Variants in OR1S1 observed in about 807,000 individuals in gnomAD.
OR1S1 encodes the protein olfactory receptor family 1 subfamily S member 1.
For missense variants in OR1S1, 411 were observed against 367.5 expected, an observed-to-expected ratio of 1.12 and a Z score of -0.97; for synonymous variants, 156 against 143.9, an observed-to-expected ratio of 1.08 and a Z score of -0.60.
At chr11:58,215,678 G>T (rs1852928891) in exon 2 of OR1S1, 2 of 1,613,692 alleles carry the variant, frequency 1.2e-6, no homozygotes, top group Non-Finnish European at 1.7e-6. Context: ...GGATATGAAA[G>T]GTGCCCTGAG....
chr11:58,215,142 A>G (rs1467610486), exon 2 of OR1S1: 10 of 1,613,912 alleles, frequency 6.2e-6, no homozygotes, highest in Non-Finnish European at 8.5e-6. Flanking sequence ...ACCATGGCCT[A>G]TGACCACTTT....
chr11:58,215,869 C>T (rs1471815861), exon 2 of OR1S1: 15 of 971,066 alleles, frequency 1.5e-5, no homozygotes, highest in Admixed American at 9.5e-5. Flanking sequence ...TGGAGCTTTT[C>T]CACTTAGCTC....
At chr11:58,215,269 G>T in exon 2 of OR1S1, 18 of 1,613,564 alleles carry the variant, frequency 1.1e-5, no homozygotes, top group Non-Finnish European at 1.5e-5. Context: ...ACACCCTTCT[G>T]CTCATTCAAT....
At chr11:58,215,750 C>T (rs368152900) in exon 2 of OR1S1, 1 of 1,589,836 alleles carries the variant, frequency 6.3e-7, no homozygotes, top group Non-Finnish European at 8.6e-7. Context: ...TTCTTTTAGT[C>T]CACATAATCA....
exon 2 of OR1S1, chr11:58,214,733 T>C (rs1565108303): frequency 1.2e-6 from 2 of 1,609,714 alleles, no homozygotes; most frequent in Non-Finnish European, 8.5e-7. Flanking sequence ...TGTTAGGTTT[T>C]CTTGTAGGAA....
intron 1 of OR1S1, 69 bp from the exon 2 acceptor site, chr11:58,214,660 T>A (rs1275623453): frequency 2.0e-5 from 24 of 1,224,922 alleles, no homozygotes; most frequent in Non-Finnish European, 2.7e-5. Context: ...GCACTTCCAC[T>A]TAATAAGCAG....
chr11:58,215,403 T>A, exon 2 of OR1S1: 4 of 1,614,106 alleles, frequency 2.5e-6, no homozygotes, highest in Non-Finnish European at 3.4e-6. Flanking sequence ...TTATCAGTTA[T>A]CATCTTCCCC....
exon 2 of OR1S1, chr11:58,214,825 C>T (rs1275332929): frequency 3.1e-6 from 5 of 1,613,900 alleles, no homozygotes; most frequent in African/African-American, 2.7e-5. Flanking sequence ...AATTCATTCT[C>T]CTGGGATTTT....
chr11:58,216,033 T>C (rs1852937327), exon 2 of OR1S1: 2 of 285,832 alleles, frequency 7.0e-6, no homozygotes, highest in East Asian at 1.2e-4. Context: ...TACAGTTAGA[T>C]AGAAGAAATA....
chr11:58,215,810 T>C lies in OR1S1; in HGVS notation c.*88T>C, dbSNP rs1258719834. 5.2e-5 allele frequency: 76 copies of C among 1,462,466 alleles called. 1 individual carries two copies. In the Middle Eastern group the frequency reaches 1.8e-3, roughly 35 times the overall value. The allele number at this position is 1,462,466 out of a possible 1,614,324, so 90.6% of individuals were successfully genotyped here. A position where few individuals can be genotyped will look rare whatever the true frequency, so the allele number is the denominator to read the frequency against. On this transcript the variant is annotated 3_prime_UTR_variant, in exon 2 of 2. Coordinates refer to ENST00000641544, the Ensembl canonical transcript of OR1S1. Reference sequence around the variant, plus strand: ...ATGGCACAGTTGTGATGGTTCAACTTTTGATGAACTTGCAGGTATCTGTCT... The same window carrying C: ...ATGGCACAGTTGTGATGGTTCAACTCTTGATGAACTTGCAGGTATCTGTCT...
Position 58,214,768 on chromosome 11 carries a change from TCAGATCGG to T in OR1S1, c.-11_-4del, listed in dbSNP as rs535894025. 76 of 1,613,948 alleles carry T rather than the reference TCAGATCGG, an allele frequency of 4.7e-5. No homozygotes were observed. In the African/African-American group the frequency reaches 9.2e-4, roughly 20 times the overall value. On this transcript the variant is annotated 5_prime_UTR_variant, in exon 2 of 2. Coordinates refer to ENST00000641544, the Ensembl canonical transcript of OR1S1. The stretch of plus-strand genomic sequence containing the variant: ...ATATGAAGACTTTTAGTTCCTTTCT[TCAGATCGG>T]CAGAAATATGCATCAAGGAAACCAA...
At chr11:58,215,164 C>T (rs761767456) in exon 2 of OR1S1, 4 of 1,614,120 alleles carry the variant, frequency 2.5e-6, no homozygotes, top group East Asian at 2.2e-5. Flanking sequence ...TGGCGATCTG[C>T]CACCCTCTGA....
At chr11:58,215,249 G>A in exon 2 of OR1S1, 1 of 1,613,756 alleles carries the variant, frequency 6.2e-7, no homozygotes, top group Non-Finnish European at 8.5e-7. Context: ...TAATATTATT[G>A]CTCTGACACA....
exon 2 of OR1S1, chr11:58,215,014 A>T: frequency 6.2e-7 from 1 of 1,614,144 alleles, no homozygotes; most frequent in Non-Finnish European, 8.5e-7. Context: ...TTTCCAACTC[A>T]GTCCCCAAAA....
chr11:58,215,809 T>C, exon 2 of OR1S1: 1 of 1,476,964 alleles, frequency 6.8e-7, no homozygotes, highest in Non-Finnish European at 9.1e-7. Flanking sequence ...ATGGTTCAAC[T>C]TTTGATGAAC....
chr11:58,215,146 C>A (rs1249369067), exon 2 of OR1S1: 4 of 1,614,014 alleles, frequency 2.5e-6, no homozygotes, highest in Non-Finnish European at 3.4e-6. Flanking sequence ...TGGCCTATGA[C>A]CACTTTGTGG....
At chr11:58,213,564 C>T (rs1854979929) in intron 1 of OR1S1, among the ~76,000 whole-genome samples, 1 of 152,230 alleles carries the variant, frequency 6.6e-6, no homozygotes, top group Admixed American at 6.5e-5. Flanking sequence ...TCTCTTCCCA[C>T]AAACCCGTTG....
At chr11:58,213,238 C>G (rs1029176794) in intron 1 of OR1S1, among the ~76,000 whole-genome samples, 1 of 148,764 alleles carries the variant, frequency 6.7e-6, no homozygotes, top group African/African-American at 2.4e-5. Flanking sequence ...AGACAAATGT[C>G]TCTTTGTTCC....
At chr11:58,215,509 C>T (rs1260040874) in exon 2 of OR1S1, 1 of 1,614,134 alleles carries the variant, frequency 6.2e-7, no homozygotes, top group Non-Finnish European at 8.5e-7. Flanking sequence ...CCACTTGTGG[C>T]TCTCACCTGA....
Sources: gnomAD v4.1 joint callset for allele counts (sites outside exome capture counted in the v4.1 genomes callset) on GRCh38, gnomAD v4.1.1 for gene constraint, MANE v1.5 for transcripts, NCBI Gene and HGNC (gene_info 2026-07-23, HGNC 2026-07-21) for gene names.